The following PFKFB3 variants were observed in gnomAD, a reference collection of about 807,000 sequenced individuals.
PFKFB3 encodes the protein 6-phosphofructo-2-kinase/fructose-2,6-bisphosphatase 3.
A neutral mutation model predicts 68.0 loss-of-function variants in PFKFB3; 33 were observed. The observed-to-expected ratio is 0.49, with a 90% CI of 0.37 to 0.65. PFKFB3 has a LOEUF of 0.65. Among genes scored for constraint, PFKFB3 ranks in the 30% least tolerant of loss-of-function variants. The pLI is 0.00. For missense variants in PFKFB3, 586 were observed against 712.2 expected (o/e 0.82, Z 2.02); for synonymous variants, 315 against 288.2 (o/e 1.09, Z -0.94).
chr10:6,203,026 C>A lies in PFKFB3; in HGVS notation c.-235C>A, dbSNP rs1843436377. ...TCCCAGAGCTTTCCGAGCGGACGAG[C>A]CGGCCGTGCCGGGCATCCCCAGCCT... On this transcript the variant is annotated 5_prime_UTR_variant, in exon 1 of 15. Coordinates refer to ENST00000379775, the MANE Select transcript of PFKFB3 (RefSeq NM_004566.4). 3 of 1,372,042 alleles carry A rather than the reference C, an allele frequency of 2.2e-6. No homozygotes were observed. In the African/African-American group the frequency reaches 4.6e-5, roughly 21 times the overall value. 85.0% of individuals were successfully genotyped at this position (1,372,042 alleles called of 1,614,324 possible). A position where few individuals can be genotyped will look rare whatever the true frequency, so the allele number is the denominator to read the frequency against.
Position 6,228,885 on chromosome 10 carries a change from GCT to G in PFKFB3, c.1515+2525_1515+2526del, listed in dbSNP as rs1845541447. Among the ~76,000 whole-genome samples, 1 of 152,132 alleles carries G rather than the reference GCT, an allele frequency of 6.6e-6. No homozygotes were observed. The highest frequency in any genetic ancestry group is 2.4e-5 in the African/African-American group (1 of 41,426). ...TGTGGTCACTTCTGCTCCTCCCAGA[GCT>G]CTCTGCAGAGTTTCAGGTTCAGCCT... On this transcript the variant is annotated intron_variant, in intron 14 of 14. Coordinates refer to ENST00000379775, the MANE Select transcript of PFKFB3 (RefSeq NM_004566.4). The surrounding 1 kb of genome is among the most constrained non-coding windows in gnomAD (Gnocchi z 4.5).
At position 6,251,836 on chromosome 10, in the gene PFKFB3, C is replaced by T. The variant is rs1235390772; in HGVS notation, c.1516-2342C>T. ...TACAAAAATTAGCCAGGTGTGGTGG[C>T]GGGTGCCTATAATCCCAGCTACTCA... On this transcript the variant is annotated intron_variant, in intron 14 of 14. Transcript: ENST00000640683. Among the ~76,000 whole-genome samples the T allele has an allele frequency of 3.3e-5, 5 of 152,146 alleles. No homozygotes were observed. The East Asian group carries it at 9.7e-4, about 29-fold the overall frequency.
At chr10:6,322,881 T>G in the PFKFB3 span, among the ~76,000 whole-genome samples, 1 of 152,246 alleles carries the variant, frequency 6.6e-6, no homozygotes, top group African/African-American at 2.4e-5. Flanking sequence ...CTCATAATCC[T>G]AGTTATTTTA....
chr10:6,182,178 G>A (rs1009533994), intron 1 of PFKFB3, among the ~76,000 whole-genome samples: 1 of 152,176 alleles, frequency 6.6e-6, no homozygotes, highest in Non-Finnish European at 1.5e-5. Context: ...GTCTCCCCAA[G>A]TTTTCTCTCT....
the PFKFB3 span, among the ~76,000 whole-genome samples, chr10:6,313,239 C>G: frequency 6.6e-6 from 1 of 152,292 alleles, no homozygotes; most frequent in African/African-American, 2.4e-5. The surrounding 1 kb of genome is among the most constrained non-coding windows in gnomAD (Gnocchi z 4.2). Flanking sequence ...TTGCCATTTA[C>G]TGCTAATTTT....
intron 7 of PFKFB3, among the ~76,000 whole-genome samples, chr10:6,219,912 CTT>C (rs972985673): frequency 1.2e-4 from 18 of 152,096 alleles, no homozygotes; most frequent in Non-Finnish European, 1.8e-4. Context: ...TATCAACTCT[CTT>C]TGAAAATATC....
At chr10:6,146,775 G>A (rs4525122) in intron 1 of PFKFB3, among the ~76,000 whole-genome samples, 4 of 152,230 alleles carry the variant, frequency 2.6e-5, no homozygotes, top group African/African-American at 9.6e-5. Context: ...GCGTATTTTA[G>A]TGCATTATTA....
chr10:6,280,856 A>T, the PFKFB3 span, among the ~76,000 whole-genome samples: 19 of 151,604 alleles, frequency 1.3e-4, no homozygotes, highest in Non-Finnish European at 2.2e-4. Flanking sequence ...TTGGTTACAT[A>T]AGCAGGTTCT....
intron 1 of PFKFB3, among the ~76,000 whole-genome samples, chr10:6,177,381 T>TTTC (rs1401910030): frequency 9.0e-6 from 1 of 110,866 alleles, no homozygotes; most frequent in Non-Finnish European, 2.1e-5. Flanking sequence ...TCTTTCTTTC[T>TTTC]TTCTTTCTTT....
Position 6,167,326 on chromosome 10 carries a change from C to T in PFKFB3, c.16+22313C>T, listed in dbSNP as rs1016407126. On this transcript the variant is annotated intron_variant, in intron 1 of 14. Transcript: ENST00000379789. The stretch of plus-strand genomic sequence containing the variant: ...ACGCCTGTGCGGGTCTCATTCAGCT[C>T]TGCGGTCCTCAGTGTCTGTCTGATA... Among the ~76,000 whole-genome samples the T allele has an allele frequency of 7.2e-5, 11 of 152,336 alleles. No homozygotes were observed. In the East Asian group the frequency reaches 2.1e-3, roughly 29 times the overall value.
At position 6,226,738 on chromosome 10, in the gene PFKFB3, A is replaced by C. The variant is rs756334831; in HGVS notation, c.1515+373A>C. ...TGAATGGTTATTTCTAAAACAAAGAAAGTGGCTACTTTCTCACATAAATAA... is the reference window on the plus strand; with the variant it reads ...TGAATGGTTATTTCTAAAACAAAGACAGTGGCTACTTTCTCACATAAATAA... On this transcript the variant is annotated intron_variant, in intron 14 of 14. Coordinates refer to ENST00000379775, the MANE Select transcript of PFKFB3 (RefSeq NM_004566.4). Among the ~76,000 whole-genome samples the C allele has an allele frequency of 1.2e-4, 18 of 152,290 alleles. No homozygotes were observed. The Middle Eastern group carries it at 0.02, about 173-fold the overall frequency.
At chr10:6,294,508 T>C in the PFKFB3 span, 11 of 207,358 alleles carry the variant, frequency 5.3e-5, no homozygotes, top group African/African-American at 2.3e-4. Context: ...AAGAACAGCA[T>C]GGGAAAGACC....
intron 14 of PFKFB3, among the ~76,000 whole-genome samples, chr10:6,240,666 G>A (rs369574168): frequency 6.6e-6 from 1 of 152,026 alleles, no homozygotes; most frequent in East Asian, 1.9e-4. Flanking sequence ...ACAACAACAT[G>A]GTACCCTTGT....
At chr10:6,307,919 C>T in the PFKFB3 span, among the ~76,000 whole-genome samples, 1 of 152,140 alleles carries the variant, frequency 6.6e-6, no homozygotes, top group Non-Finnish European at 1.5e-5. Context: ...GGTTAGTTGT[C>T]ATGGGAGTGA....
At chr10:6,315,351 C>T in the PFKFB3 span, among the ~76,000 whole-genome samples, 12 of 152,100 alleles carry the variant, frequency 7.9e-5, no homozygotes, top group African/African-American at 2.7e-4. Flanking sequence ...GAATTCAGGA[C>T]GAGTCTGTAA....
chr10:6,201,759 G>T (rs1843368881), upstream of PFKFB3, among the ~76,000 whole-genome samples: 1 of 152,124 alleles, frequency 6.6e-6, no homozygotes, highest in Non-Finnish European at 1.5e-5. The surrounding 1 kb of genome is among the most constrained non-coding windows in gnomAD (Gnocchi z 4.1). Flanking sequence ...GCACCTCTCT[G>T]CAAGGCGGCG....
At chr10:6,227,080 C>T (rs1845413909) in intron 14 of PFKFB3, among the ~76,000 whole-genome samples, 2 of 150,900 alleles carry the variant, frequency 1.3e-5, no homozygotes, top group African/African-American at 2.4e-5. Flanking sequence ...AGGGAGACTC[C>T]GTCTCAAAAA....
chr10:6,284,555 C>T, the PFKFB3 span, among the ~76,000 whole-genome samples: 1 of 152,146 alleles, frequency 6.6e-6, no homozygotes, highest in Admixed American at 6.6e-5. Flanking sequence ...TTTCTTCATC[C>T]TTTTACTTCA....
chr10:6,281,415 C>T, the PFKFB3 span, among the ~76,000 whole-genome samples: 1 of 151,868 alleles, frequency 6.6e-6, no homozygotes, highest in African/African-American at 2.4e-5. Context: ...AAGTGAAGCC[C>T]AGACTGTGTA....
Sources: allele counts gnomAD v4.1 joint callset (sites outside exome capture counted in the v4.1 genomes callset), GRCh38; gene constraint gnomAD v4.1.1; non-coding constraint Gnocchi (gnomAD v3.1); transcripts MANE v1.5; gene names NCBI Gene and HGNC (gene_info 2026-07-23, HGNC 2026-07-21).